DOK7: variants seen among roughly 807,000 people sequenced by gnomAD.
DOK7 encodes protein Dok-7.
In DOK7, 32 loss-of-function variants were observed where a neutral mutation model predicts 30.7. The ratio of observed to expected loss-of-function variants is 1.04; its 90% CI spans 0.79 to 1.40. The LOEUF (loss-of-function observed/expected upper bound fraction) is 1.40, where lower values mean the gene tolerates loss of function less well. DOK7 is among the 40% of genes most tolerant of loss of function. DOK7 has a pLI of 0.00. For synonymous variants in DOK7, 447 were observed against 324.1 expected, an observed-to-expected ratio of 1.38 and a Z score of -4.07; for missense variants, 1,007 against 699.2, an observed-to-expected ratio of 1.44 and a Z score of -4.97.
At chr4:3,469,841 C>T (rs879304731) in intron 2 of DOK7, among the ~76,000 whole-genome samples, 112 of 152,160 alleles carry the variant, frequency 7.4e-4, no homozygotes, top group Non-Finnish European at 2.1e-4. Context: ...GAGGAGAGGG[C>T]GGCCTGAGCG....
intron 5 of DOK7, among the ~76,000 whole-genome samples, chr4:3,488,122 G>A (rs1016016326): frequency 6.6e-6 from 1 of 152,254 alleles, no homozygotes; most frequent in African/African-American, 2.4e-5. Context: ...CAGGAGAGAG[G>A]CTTGTGCCAC....
Position 3,463,562 on chromosome 4 carries a change from CGGGCGGG to C in DOK7, c.100+14_100+20del. 7.4e-6 allele frequency: 2 copies of C among 271,524 alleles called. No homozygotes were observed. Among genetic ancestry groups the C allele is most frequent in the African/African-American group, 5.5e-5 (1 of 18,094 alleles). 16.8% of individuals were successfully genotyped at this position (271,524 alleles called of 1,614,324 possible). A position where few individuals can be genotyped will look rare whatever the true frequency, so the allele number is the denominator to read the frequency against. ...CGTCGCCCGTGGCAGGTGAGCGGGG[CGGGCGGG>C]GGACGGGGGGCGCGGGGGTAGCGAC... On this transcript the variant is annotated intron_variant, in intron 2 of 6. Transcript: ENST00000340083.
downstream of DOK7, among the ~76,000 whole-genome samples, chr4:3,497,665 G>A (rs528314840): frequency 5.3e-5 from 8 of 152,146 alleles, no homozygotes; most frequent in African/African-American, 1.9e-4. Context: ...CTACAGGGGG[G>A]CGGGGTCCAG....
At chr4:3,486,028 G>C (rs552962309) in intron 5 of DOK7, among the ~76,000 whole-genome samples, 1 of 152,234 alleles carries the variant, frequency 6.6e-6, no homozygotes, top group Admixed American at 6.5e-5. Flanking sequence ...GGCCTTGCCC[G>C]AGCTCGGTGG....
chr4:3,483,714 G>A (rs564552426), intron 4 of DOK7, among the ~76,000 whole-genome samples: 1 of 152,378 alleles, frequency 6.6e-6, no homozygotes, highest in African/African-American at 2.4e-5. Flanking sequence ...GTAAGCTCAG[G>A]ATTAGAGAGC....
intron 2 of DOK7, among the ~76,000 whole-genome samples, chr4:3,467,367 C>T (rs1032400511): frequency 1.4e-5 from 2 of 144,886 alleles, no homozygotes; most frequent in Non-Finnish European, 3.0e-5. Context: ...ATTTTTACAT[C>T]TCCAGAAGCC....
At chr4:3,499,947 C>T (rs1294047372) in intron 6 of DOK7, among the ~76,000 whole-genome samples, 1 of 151,044 alleles carries the variant, frequency 6.6e-6, no homozygotes, top group Non-Finnish European at 1.5e-5. Flanking sequence ...AAGAGTGGGC[C>T]TTGGGGGGCC....
chr4:3,469,625 C>T (rs560819213), intron 2 of DOK7, among the ~76,000 whole-genome samples: 2 of 152,142 alleles, frequency 1.3e-5, no homozygotes. Flanking sequence ...CTGAGTCCCC[C>T]AGACCTGTGT....
chr4:3,495,196 C>T (rs1378055039), downstream of DOK7, among the ~76,000 whole-genome samples: 1 of 152,236 alleles, frequency 6.6e-6, no homozygotes, highest in Non-Finnish European at 1.5e-5. Context: ...GGTCACTCTT[C>T]AGGCGCTCAA....
At chr4:3,467,054 T>C (rs1726328215) in intron 2 of DOK7, among the ~76,000 whole-genome samples, 1 of 152,154 alleles carries the variant, frequency 6.6e-6, no homozygotes, top group South Asian at 2.1e-4. Context: ...TCCAGGCTGC[T>C]GCACCCCAGC....
intron 4 of DOK7, among the ~76,000 whole-genome samples, chr4:3,480,276 G>A (rs528625657): frequency 5.3e-5 from 8 of 152,214 alleles, no homozygotes; most frequent in South Asian, 4.2e-4. Context: ...TCTGGGGGCC[G>A]CCCGGAGCAT....
At chr4:3,463,691 AC>A (rs1316239526) in intron 2 of DOK7, 140 bp downstream of exon 2, 49 of 1,131,846 alleles carry the variant, frequency 4.3e-5, no homozygotes, top group Non-Finnish European at 5.0e-5. Flanking sequence ...GCGGACCCGG[AC>A]CCCCCGGCGC....
intron 5 of DOK7, 149 bp from the exon 6 acceptor site, chr4:3,489,528 T>TG: frequency 1.5e-6 from 2 of 1,303,956 alleles, no homozygotes; most frequent in East Asian, 5.1e-5. Flanking sequence ...GGCCAGCCTC[T>TG]GGGATGAGGC....
Position 3,485,663 on chromosome 4 carries a change from G to T in DOK7, c.652+5G>T. The T allele has an allele frequency of 1.3e-6, 2 of 1,570,596 alleles. No homozygotes were observed. Among genetic ancestry groups the T allele is most frequent in the Non-Finnish European group, 8.6e-7 (1 of 1,156,180 alleles). On this transcript the variant is annotated splice_donor_5th_base_variant and intron_variant, in intron 5 of 6. Transcript: ENST00000340083. ...GGCTGCGGCCGGTTCTACCAGGTGC[G>T]TGTGGGAGCCTGGCCGGCCGGGGAG...
intron 4 of DOK7, among the ~76,000 whole-genome samples, chr4:3,481,503 G>A (rs1223690208): frequency 6.6e-6 from 1 of 152,072 alleles, no homozygotes; most frequent in African/African-American, 2.4e-5. Context: ...GAGGAGGGGT[G>A]GGAGCCAACA....
In DOK7 at chr4:3,493,577, C is replaced by A; in HGVS notation, c.*76C>A. 6.4e-7 allele frequency: 1 copy of A among 1,562,830 alleles called. No individual in the cohort carries two copies. The highest frequency in any genetic ancestry group is 8.7e-7 in the Non-Finnish European group (1 of 1,153,786). ...ATGGCAGAGGAAGTGGCGCCAGCCT[C>A]CTTGCAGACTGGTGCTCTGTGTTCT... On this transcript the variant is annotated 3_prime_UTR_variant, in exon 7 of 7. Coordinates refer to ENST00000340083, the MANE Select transcript of DOK7 (RefSeq NM_173660.5).
At chr4:3,465,377 C>T (rs891728467) in intron 2 of DOK7, among the ~76,000 whole-genome samples, 1 of 152,202 alleles carries the variant, frequency 6.6e-6, no homozygotes, top group Non-Finnish European at 1.5e-5. Context: ...GCGCTGGAGA[C>T]CACCTCCCTT....
chr4:3,494,045 T>C lies in DOK7; in HGVS notation c.*544T>C. ...CTCATCCCCATCTATGGGAGGAAAC[T>C]GAAGCTCAGGAGGCTGTGTGGCTTG... On this transcript the variant is annotated 3_prime_UTR_variant, in exon 7 of 7. Transcript: ENST00000340083. 1 of 987,880 alleles carries C rather than the reference T, an allele frequency of 1.0e-6. No individual in the cohort carries two copies. The highest frequency in any genetic ancestry group is 1.2e-6 in the Non-Finnish European group (1 of 831,756). The allele number at this position is 987,880 out of a possible 1,614,324, so 61.2% of individuals were successfully genotyped here.
downstream of DOK7, among the ~76,000 whole-genome samples, chr4:3,495,350 T>A (rs1254095023): frequency 6.6e-6 from 1 of 151,552 alleles, no homozygotes; most frequent in East Asian, 1.9e-4. Context: ...CTCAGCCCTC[T>A]GTGTTCCCAC....
Sources: allele counts gnomAD v4.1 joint callset (sites outside exome capture counted in the v4.1 genomes callset), GRCh38; gene constraint gnomAD v4.1.1; transcripts MANE v1.5; gene names NCBI Gene and HGNC (gene_info 2026-07-23, HGNC 2026-07-21).